OR2L13: variants seen among roughly 807,000 people sequenced by gnomAD.
The protein encoded by OR2L13 is olfactory receptor family 2 subfamily L member 13.
In OR2L13, 14 loss-of-function variants were observed where a neutral mutation model predicts 15.3. That is an observed-to-expected ratio of 0.91 (90% CI 0.60 to 1.43). The LOEUF (loss-of-function observed/expected upper bound fraction) is 1.43. OR2L13 is among the 40% of genes most tolerant of loss of function. The pLI, the probability that OR2L13 is intolerant of heterozygous loss-of-function variation, is 0.00. For missense variants in OR2L13, 367 were observed against 387.9 expected, an observed-to-expected ratio of 0.95 and a Z score of 0.45; for synonymous variants, 152 against 142.9, an observed-to-expected ratio of 1.06 and a Z score of -0.45.
At chr1:248,048,923 CTTT>C in the OR2L13 span, among the ~76,000 whole-genome samples, 3 of 141,678 alleles carry the variant, frequency 2.1e-5, no homozygotes, top group Admixed American at 7.1e-5. Context: ...TTCTCTCTCT[CTTT>C]TTTTTTTTTT....
chr1:248,010,835 CTA>C, the OR2L13 span, among the ~76,000 whole-genome samples: 1 of 99,560 alleles, frequency 1.0e-5, no homozygotes, highest in African/African-American at 3.9e-5. Context: ...TATTTTGAGT[CTA>C]TGTGTGTCTT....
the OR2L13 span, among the ~76,000 whole-genome samples, chr1:248,037,764 C>T: frequency 6.6e-6 from 1 of 152,154 alleles, no homozygotes; most frequent in East Asian, 1.9e-4. Flanking sequence ...CGTGGTTTCT[C>T]CTGTAATCAA....
At chr1:248,000,119 T>TG in the OR2L13 span, among the ~76,000 whole-genome samples, 4,060 of 150,926 alleles carry the variant, frequency 0.027, 151 homozygotes, top group African/African-American at 0.095. Context: ...CTTTTTTTTT[T>TG]TTTGGTGTGT....
At chr1:248,096,350 T>C (rs1664741411), upstream of OR2L13, among the ~76,000 whole-genome samples, 1 of 148,936 alleles carries the variant, frequency 6.7e-6, no homozygotes. Context: ...GCCACTGCAC[T>C]CCAGCCTGGG....
the OR2L13 span, among the ~76,000 whole-genome samples, chr1:248,042,936 T>C: frequency 2.0e-5 from 3 of 152,286 alleles, no homozygotes; most frequent in East Asian, 5.8e-4. Context: ...AAATATAATA[T>C]TTTAAGAAGA....
the OR2L13 span, chr1:248,038,808 C>G: frequency 6.2e-7 from 1 of 1,614,128 alleles, no homozygotes; most frequent in Non-Finnish European, 8.5e-7. Flanking sequence ...CTGTGATGTT[C>G]CAGCTATGTT....
At chr1:247,970,347 AAAAC>A in the OR2L13 span, among the ~76,000 whole-genome samples, 11,550 of 152,140 alleles carry the variant, frequency 0.076, 940 homozygotes, top group African/African-American at 0.21. Context: ...ATAATAATTA[AAAAC>A]AAACAAACAA....
the OR2L13 span, chr1:248,084,301 T>C: frequency 1.9e-5 from 30 of 1,611,002 alleles, no homozygotes; most frequent in South Asian, 3.1e-4. Flanking sequence ...AGGAAGAAGA[T>C]CTGCACACCA....
chr1:248,086,601 AT>A, the OR2L13 span, among the ~76,000 whole-genome samples: 2 of 151,864 alleles, frequency 1.3e-5, no homozygotes, highest in Non-Finnish European at 1.5e-5. Context: ...TGAATAAAGG[AT>A]TTTTTGGTGT....
At chr1:248,047,924 T>C in the OR2L13 span, among the ~76,000 whole-genome samples, 1 of 152,130 alleles carries the variant, frequency 6.6e-6, no homozygotes, top group Non-Finnish European at 1.5e-5. Context: ...CATGGATTCT[T>C]CTCCCTGTTG....
At chr1:247,982,094 C>T in the OR2L13 span, among the ~76,000 whole-genome samples, 210 of 152,258 alleles carry the variant, frequency 1.4e-3, 2 homozygotes, top group Non-Finnish European at 2.2e-3. Flanking sequence ...GGATTACAAG[C>T]GTGAGCCACC....
the OR2L13 span, among the ~76,000 whole-genome samples, chr1:247,989,097 T>G: frequency 6.6e-6 from 1 of 151,994 alleles, no homozygotes; most frequent in Non-Finnish European, 1.5e-5. Flanking sequence ...ACTTAAGAAT[T>G]CTGAAATTGG....
the OR2L13 span, among the ~76,000 whole-genome samples, chr1:248,076,227 C>A: frequency 6.6e-6 from 1 of 151,396 alleles, no homozygotes; most frequent in Non-Finnish European, 1.5e-5. Flanking sequence ...GGTACCAGTA[C>A]CGTGCTGCTT....
At chr1:248,061,522 A>T in the OR2L13 span, 1 of 1,613,348 alleles carries the variant, frequency 6.2e-7, no homozygotes. Flanking sequence ...CACCACCCTC[A>T]CTCCAATGCT....
At chr1:247,970,309 G>T in the OR2L13 span, among the ~76,000 whole-genome samples, 6 of 151,940 alleles carry the variant, frequency 3.9e-5, no homozygotes, top group Non-Finnish European at 8.8e-5. Context: ...TGTACATTGT[G>T]CACATGTACC....
chr1:247,937,237 A>G, the OR2L13 span: 4,283 of 151,684 alleles, frequency 0.028, 110 homozygotes, highest in African/African-American at 0.043. Context: ...CTTTGGCAGT[A>G]GTGGGCGTGC....
the OR2L13 span, among the ~76,000 whole-genome samples, chr1:247,963,595 C>T: frequency 6.6e-6 from 1 of 152,080 alleles, no homozygotes; most frequent in Admixed American, 6.6e-5. Flanking sequence ...TTAGTATAAT[C>T]GAGATATGCC....
chr1:248,067,253 T>C, the OR2L13 span, among the ~76,000 whole-genome samples: 1 of 152,328 alleles, frequency 6.6e-6, no homozygotes, highest in Non-Finnish European at 1.5e-5. Context: ...TGTCTACTTT[T>C]ACATATTATC....
the OR2L13 span, among the ~76,000 whole-genome samples, chr1:248,043,077 A>G: frequency 6.6e-6 from 1 of 152,136 alleles, no homozygotes; most frequent in Non-Finnish European, 1.5e-5. Flanking sequence ...TCTGGGTGCC[A>G]TTCACAGCCC....
Sources: gnomAD v4.1 joint callset for allele counts (sites outside exome capture counted in the v4.1 genomes callset) on GRCh38, gnomAD v4.1.1 for gene constraint, MANE v1.5 for transcripts, NCBI Gene and HGNC (gene_info 2026-07-23, HGNC 2026-07-21) for gene names.